STAG2: variants seen among roughly 807,000 people sequenced by gnomAD.
STAG2 encodes the protein cohesin subunit SA-2.
STAG2 carries 14 observed loss-of-function variants against 108.1 expected under a neutral mutation model. That is an observed-to-expected ratio of 0.13 (90% CI 0.09 to 0.20). The LOEUF is 0.20. Ranked by LOEUF, STAG2 falls within the 10% of genes least tolerant of loss-of-function variation. STAG2 has a pLI of 1.00. For synonymous variants in STAG2, 307 were observed against 302.7 expected (o/e 1.01, Z -0.15); for missense variants, 440 against 940.9 (o/e 0.47, Z 6.96).
chrX:124,074,066 G>T (rs772847532), intron 25 of STAG2, among the ~76,000 whole-genome samples: 1 of 111,977 alleles, frequency 8.9e-6, no homozygotes, highest in African/African-American at 3.2e-5. Flanking sequence ...TGAACATTTT[G>T]CAATTTACCT....
intron 1 of STAG2, among the ~76,000 whole-genome samples, chrX:123,980,893 A>G (rs1312652615): frequency 8.9e-6 from 1 of 111,885 alleles, no homozygotes; most frequent in African/African-American, 3.2e-5. Context: ...TTTGAAAAGG[A>G]AAACTTTTTT....
At chrX:124,026,165 A>AATAATAATAATG (rs1285209058) in intron 4 of STAG2, among the ~76,000 whole-genome samples, 15 of 98,310 alleles carry the variant, frequency 1.5e-4, no homozygotes, top group African/African-American at 5.3e-4. Context: ...TAATAATAAT[A>AATAATAATAATG]ATAATACATT....
At chrX:124,057,838 T>C (rs770917564) in intron 14 of STAG2, 28 bp from the exon 15 acceptor site, 3 of 1,015,560 alleles carry the variant, frequency 3.0e-6, no homozygotes, top group South Asian at 4.8e-5. Flanking sequence ...GTTGTTGTCG[T>C]AAAATAAATA....
intron 24 of STAG2, among the ~76,000 whole-genome samples, chrX:124,070,628 C>T (rs1281832539): frequency 8.9e-6 from 1 of 112,081 alleles, no homozygotes; most frequent in Non-Finnish European, 1.9e-5. Flanking sequence ...GCTACTTAAT[C>T]AGTACACGTG....
At chrX:124,029,698 A>G (rs1032117095) in intron 4 of STAG2, among the ~76,000 whole-genome samples, 1 of 112,375 alleles carries the variant, frequency 8.9e-6, no homozygotes, top group Non-Finnish European at 1.9e-5. Flanking sequence ...TTTACTATCC[A>G]GTTCTTTACA....
chrX:123,974,564 A>G, intron 1 of STAG2, among the ~76,000 whole-genome samples: 1 of 97,362 alleles, frequency 1.0e-5, no homozygotes. Context: ...TGTTATCCAA[A>G]GGTTGATACC....
chrX:124,015,238 G>T (rs1239078186), intron 1 of STAG2, among the ~76,000 whole-genome samples: 1 of 107,652 alleles, frequency 9.3e-6, no homozygotes, highest in Non-Finnish European at 1.9e-5. Flanking sequence ...CTCCCGCCTC[G>T]GCCTCCCAAA....
chrX:123,981,208 T>G (rs981643330), intron 1 of STAG2, among the ~76,000 whole-genome samples: 2 of 111,078 alleles, frequency 1.8e-5, no homozygotes, highest in Non-Finnish European at 1.9e-5. Flanking sequence ...TTGAGAACAT[T>G]TACGTTGTTG....
chrX:124,017,900 C>T (rs1014235680), intron 1 of STAG2, among the ~76,000 whole-genome samples: 1 of 111,819 alleles, frequency 8.9e-6, no homozygotes, highest in Non-Finnish European at 1.9e-5. Flanking sequence ...TTAGAAATAA[C>T]GCGATCATCT....
In STAG2 at chrX:124,065,462, T is replaced by C. The variant is rs781729286; in HGVS notation, c.2026-414T>C. Reference sequence around the variant, plus strand: ...ATTTTTCAGAGGGTTTTTCCCTGTTTATCTGTGATTAGTGTCATATGTCTT... The same window carrying C: ...ATTTTTCAGAGGGTTTTTCCCTGTTCATCTGTGATTAGTGTCATATGTCTT... On this transcript the variant is annotated intron_variant, in intron 20 of 34. Coordinates refer to ENST00000371145, the MANE Select transcript of STAG2 (RefSeq NM_001042750.2). Among the ~76,000 whole-genome samples the C allele has an allele frequency of 6.3e-5, 7 of 111,872 alleles. No homozygotes were observed. In the East Asian group the frequency reaches 2.0e-3, roughly 31 times the overall value.
chrX:124,061,738 T>A, intron 16 of STAG2, 33 bp from the exon 17 acceptor site: 1 of 1,012,970 alleles, frequency 9.9e-7, no homozygotes, highest in Admixed American at 3.2e-5. Context: ...GCTAACTCTT[T>A]CTGACTTTTT....
chrX:124,047,758 C>T (rs1254396510), intron 9 of STAG2, among the ~76,000 whole-genome samples: 3 of 111,886 alleles, frequency 2.7e-5, no homozygotes, highest in Non-Finnish European at 5.6e-5. Flanking sequence ...GACAAGTTGT[C>T]TTAAGCTTTA....
At chrX:124,026,114 T>G (rs2057087956) in intron 4 of STAG2, among the ~76,000 whole-genome samples, 196 bp downstream of exon 4, 1 of 87,348 alleles carries the variant, frequency 1.1e-5, no homozygotes, top group South Asian at 6.2e-4. Context: ...CTATTTACAC[T>G]GCTGTAAAGT....
intron 1 of STAG2, among the ~76,000 whole-genome samples, chrX:123,982,991 T>A (rs977589524): frequency 9.0e-6 from 1 of 111,475 alleles, no homozygotes; most frequent in African/African-American, 3.3e-5. Flanking sequence ...TTGTACTGAT[T>A]TTACAGTGCC....
chrX:124,005,367 TACCACC>T (rs764922422), intron 1 of STAG2, among the ~76,000 whole-genome samples: 3 of 111,505 alleles, frequency 2.7e-5, no homozygotes, highest in Non-Finnish European at 5.7e-5. Context: ...GTGTAAGCAC[TACCACC>T]ACCATCACCA....
At chrX:124,054,022 T>C (rs1185849925) in intron 13 of STAG2, among the ~76,000 whole-genome samples, 1 of 112,321 alleles carries the variant, frequency 8.9e-6, no homozygotes, top group African/African-American at 3.2e-5. Flanking sequence ...TTGGCAAAGA[T>C]AGAAAGTGTT....
In STAG2 at chrX:123,974,735, C is replaced by T. The variant is rs745924639; in HGVS notation, c.-163+12879C>T. On this transcript the variant is annotated intron_variant, in intron 1 of 34. Transcript: ENST00000371145. The stretch of plus-strand genomic sequence containing the variant: ...CTGGGATTACAGGTGCATGCCACCA[C>T]GCCTGGCTAATTTTTGTATTTTTAG... Among the ~76,000 whole-genome samples, 6 of 108,670 alleles carry T rather than the reference C, an allele frequency of 5.5e-5. No homozygotes were observed. In the South Asian group the frequency reaches 1.2e-3, roughly 22 times the overall value. 94.4% of individuals were successfully genotyped at this position (108,670 alleles called of 115,157 possible).
chrX:124,080,529 A>G (rs761537711), intron 27 of STAG2, among the ~76,000 whole-genome samples: 11 of 110,566 alleles, frequency 9.9e-5, no homozygotes, highest in Admixed American at 2.9e-4. Context: ...CTCTACTACA[A>G]ATACAAAAAT....
Position 124,102,386 on chromosome X carries a change from A to G in STAG2, c.*1789A>G, listed in dbSNP as rs757026498. On this transcript the variant is annotated 3_prime_UTR_variant, in exon 35 of 35. Transcript: ENST00000371145. ...GTTTTCAACCAGCTAAAAATGTTTT[A>G]TATATTACTCTAACCTGTTGTCCTC... 6.4e-6 allele frequency: 1 copy of G among 155,242 alleles called. No individual in the cohort carries two copies. The highest frequency in any genetic ancestry group is 3.0e-5 in the African/African-American group (1 of 32,970). The allele number at this position is 155,242 out of a possible 1,213,427, so 12.8% of individuals were successfully genotyped here.
Sources: allele counts gnomAD v4.1 joint callset (sites outside exome capture counted in the v4.1 genomes callset), GRCh38; gene constraint gnomAD v4.1.1; transcripts MANE v1.5; gene names NCBI Gene and HGNC (gene_info 2026-07-23, HGNC 2026-07-21).